The following DNMT1 variants were observed in gnomAD, a reference collection of about 807,000 sequenced individuals.
The protein encoded by DNMT1 is DNA methyltransferase 1.
A neutral mutation model predicts 205.3 loss-of-function variants in DNMT1; 24 were observed. That is an observed-to-expected ratio of 0.12 (90% CI 0.08 to 0.16). The LOEUF is 0.16. Ranked by LOEUF, DNMT1 falls within the 10% of genes least tolerant of loss-of-function variation. The probability of loss-of-function intolerance (pLI) is 1.00; values close to 1 mark genes in which losing one functional copy is unlikely to be tolerated. For missense variants in DNMT1, 1,293 were observed against 2,177.7 expected (o/e 0.59, Z 8.09); for synonymous variants, 817 against 839.8 (o/e 0.97, Z 0.47).
At chr19:10,135,212 CAA>C (rs34374135) in intron 39 of DNMT1, among the ~76,000 whole-genome samples, 14 of 108,492 alleles carry the variant, frequency 1.3e-4, no homozygotes, top group East Asian at 2.5e-4. Flanking sequence ...AGCTCCATCT[CAA>C]AAAAAAAAAA....
Position 10,151,292 on chromosome 19 carries a change from G to T in DNMT1, c.2265+106C>A. 6.5e-7 allele frequency: 1 copy of T among 1,527,354 alleles called. No homozygotes were observed. Among genetic ancestry groups the T allele is most frequent in the Non-Finnish European group, 8.9e-7 (1 of 1,117,444 alleles). 94.6% of individuals were successfully genotyped at this position (1,527,354 alleles called of 1,614,324 possible). A position where few individuals can be genotyped will look rare whatever the true frequency, so the allele number is the denominator to read the frequency against. The stretch of plus-strand genomic sequence containing the variant: ...CAGGGGCAAACAGACAGGTTTCTTA[G>T]TGCCGGGGCTCAGGCTGCCTGAGAG... On this transcript the variant is annotated intron_variant, in intron 24 of 40. Transcript: ENST00000359526. The surrounding 1 kb of genome is among the most constrained non-coding windows in gnomAD (Gnocchi z 5.0).
Position 10,149,543 on chromosome 19 carries a change from C to T in DNMT1, c.2496G>A (p.Leu832=), listed in dbSNP as rs2038289580. 1.9e-6 allele frequency: 3 copies of T among 1,614,050 alleles called. No homozygotes were observed. The highest frequency in any genetic ancestry group is 1.3e-5 in the African/African-American group (1 of 74,998). ...GATSDPLELF[L]VDECEDMQLS... ...GCTGCATGTCCTCACATTCATCCAC[C>T]AAGAACAGCTCCAGAGGGTCCGACG... The change falls in exon 26 of 41, where the codon TTG becomes TTA. Residue 832 remains leucine, a synonymous_variant. Transcript: ENST00000359526.
intron 10 of DNMT1, among the ~76,000 whole-genome samples, chr19:10,167,849 C>T (rs1217341873): frequency 1.3e-5 from 2 of 152,104 alleles, no homozygotes; most frequent in Non-Finnish European, 2.9e-5. Context: ...GAGGAGAAAT[C>T]GAAGCTAACT....
At chr19:10,134,340 G>A in intron 39 of DNMT1, 33 bp from the exon 40 acceptor site, 1 of 1,602,958 alleles carries the variant, frequency 6.2e-7, no homozygotes, top group Non-Finnish European at 8.5e-7. Context: ...TGCCTGATGT[G>A]GACACCCAGG....
chr19:10,148,616 A>G (rs2038258745), intron 27 of DNMT1, among the ~76,000 whole-genome samples: 1 of 152,238 alleles, frequency 6.6e-6, no homozygotes, highest in Admixed American at 6.5e-5. Context: ...ACTGAAGAAC[A>G]CACGGGAAGT....
At position 10,166,656 on chromosome 19, in the gene DNMT1, G is replaced by A. The variant is rs1430311136; in HGVS notation, c.833C>T (p.Pro278Leu). The change falls in exon 11 of 41, where the codon CCG (proline) becomes CTG (leucine). Residue 278 changes from proline to leucine, a missense_variant. By Grantham distance (98) the Pro-to-Leu change is moderately conservative. Around this residue, in one of 13 missense-constraint regions of DNMT1, gnomAD observed 394 missense variants for 451.6 expected, o/e 0.87. Transcript: ENST00000359526. Reference sequence around the variant, plus strand: ...CACGCCTGCCCTGGCTTCTCTGTCCGGCTCCTCCTTCAGTTTCTGTTTGGG... The same window carrying A: ...CACGCCTGCCCTGGCTTCTCTGTCCAGCTCCTCCTTCAGTTTCTGTTTGGG... ...PTPKQKLKEE[P>L]DREARAGVQA... is the part of the protein sequence containing the mutation. The A allele has an allele frequency of 1.6e-5, 26 of 1,614,022 alleles. No individual in the cohort carries two copies. Among genetic ancestry groups the A allele is most frequent in the African/African-American group, 4.0e-5 (3 of 74,904 alleles).
At chr19:10,187,150 A>C (rs2039202406) in intron 1 of DNMT1, among the ~76,000 whole-genome samples, 1 of 151,938 alleles carries the variant, frequency 6.6e-6, no homozygotes. Context: ...TTCCATAGTT[A>C]ACAAACACCA....
chr19:10,154,085 C>T lies in DNMT1; in HGVS notation c.2019+208G>A, dbSNP rs1376739406. Among the ~76,000 whole-genome samples, 1 of 152,176 alleles carries T rather than the reference C, an allele frequency of 6.6e-6. No homozygotes were observed. The highest frequency in any genetic ancestry group is 1.9e-4 in the East Asian group (1 of 5,190). On this transcript the variant is annotated intron_variant, in intron 22 of 40. Coordinates refer to ENST00000359526, the MANE Select transcript of DNMT1 (RefSeq NM_001130823.3). The surrounding 1 kb of genome is among the most constrained non-coding windows in gnomAD (Gnocchi z 6.3). ...AAGGACAGTGGCATTATCAGCAAAG[C>T]ACCCAAGCATGCCTCTGTGGACATC...
rs1345716832 is a variant in DNMT1, at chr19:10,173,193, C to T, written c.684-19G>A. 6.2e-7 allele frequency: 1 copy of T among 1,614,034 alleles called. No individual in the cohort carries two copies. The highest frequency in any genetic ancestry group is 2.2e-5 in the East Asian group (1 of 44,880). ...AGCAACTCTGTCAAGCAAAATAACA[C>T]AGACCCCAAGTGTGAGTGCCAGGAG... On this transcript the variant is annotated intron_variant, in intron 8 of 40. Transcript: ENST00000359526.
chr19:10,162,591 TG>T, intron 13 of DNMT1, 75 bp downstream of exon 13: 1 of 1,468,852 alleles, frequency 6.8e-7, no homozygotes, highest in Non-Finnish European at 9.1e-7. Context: ...AAGACCAGCC[TG>T]GGCAACATGG....
At chr19:10,144,462 C>T (rs997068680) in intron 28 of DNMT1, 4 of 245,222 alleles carry the variant, frequency 1.6e-5, no homozygotes, top group Admixed American at 5.1e-5. Flanking sequence ...GTTTGAAGCA[C>T]GCATTCACCC....
intron 10 of DNMT1, among the ~76,000 whole-genome samples, chr19:10,167,530 A>G (rs1446786242): frequency 6.6e-6 from 1 of 152,108 alleles, no homozygotes; most frequent in African/African-American, 2.4e-5. Context: ...AAAAAGTGCT[A>G]CTTTTCATTT....
Position 10,136,111 on chromosome 19 carries a change from C to T in DNMT1, c.4656+10G>A. The T allele has an allele frequency of 1.2e-6, 2 of 1,613,932 alleles. No homozygotes were observed. The highest frequency in any genetic ancestry group is 1.7e-6 in the Non-Finnish European group (2 of 1,180,032). On this transcript the variant is annotated intron_variant, in intron 38 of 40. Transcript: ENST00000359526. The stretch of plus-strand genomic sequence containing the variant: ...TGACCCAGGCCCTCGGATGCCCCCT[C>T]CCCACCTACCTGCTTGCCCATGGGC...
chr19:10,187,288 G>A (rs185972549), intron 1 of DNMT1, among the ~76,000 whole-genome samples: 2 of 152,022 alleles, frequency 1.3e-5, no homozygotes, highest in South Asian at 2.1e-4. Flanking sequence ...ACACCTCTAC[G>A]CCAGAAATGC....
At chr19:10,155,789 C>T in intron 19 of DNMT1, 64 bp downstream of exon 19, 1 of 1,534,668 alleles carries the variant, frequency 6.5e-7, no homozygotes, top group Admixed American at 1.9e-5. Flanking sequence ...CGTCAGCCCC[C>T]AGGAAGGAGA....
chr19:10,146,278 A>G lies in DNMT1; in HGVS notation c.2894+73T>C. Reference sequence around the variant, plus strand: ...GGAGGGATTGGCAATGTCTGTAAGGAGGGGGACACCACAAAGCCAGCCTGG... The same window carrying G: ...GGAGGGATTGGCAATGTCTGTAAGGGGGGGGACACCACAAAGCCAGCCTGG... On this transcript the variant is annotated intron_variant, in intron 28 of 40. Coordinates refer to ENST00000359526, the MANE Select transcript of DNMT1 (RefSeq NM_001130823.3). This position sits in a 1 kb window ranked among gnomAD's most constrained non-coding sequence, Gnocchi z 4.4. The G allele has an allele frequency of 1.9e-6, 3 of 1,573,614 alleles. No individual in the cohort carries two copies. The highest frequency in any genetic ancestry group is 2.6e-6 in the Non-Finnish European group (3 of 1,152,654).
chr19:10,191,733 C>T (rs1018435603), intron 1 of DNMT1, among the ~76,000 whole-genome samples: 1 of 152,088 alleles, frequency 6.6e-6, no homozygotes, highest in Non-Finnish European at 1.5e-5. Flanking sequence ...CTGTGGCTCA[C>T]GCCTGTAATC....
chr19:10,186,147 C>T (rs111715168), intron 1 of DNMT1, among the ~76,000 whole-genome samples: 70 of 152,294 alleles, frequency 4.6e-4, no homozygotes, highest in East Asian at 2.1e-3. Flanking sequence ...CAACTGATTG[C>T]GGAGACCAAG....
chr19:10,144,552 G>A (rs935630639), intron 28 of DNMT1: 2 of 175,470 alleles, frequency 1.1e-5, no homozygotes, highest in Non-Finnish European at 2.5e-5. Context: ...TTGGCATCTT[G>A]TGTTTCCTGG....
Sources: allele counts gnomAD v4.1 joint callset (sites outside exome capture counted in the v4.1 genomes callset), GRCh38; gene constraint gnomAD v4.1.1; regional missense constraint gnomAD v4.1.1; non-coding constraint Gnocchi (gnomAD v3.1); transcripts MANE v1.5; gene names NCBI Gene and HGNC (gene_info 2026-07-23, HGNC 2026-07-21).